COL21A1: variants seen among roughly 807,000 people sequenced by gnomAD.
The protein encoded by COL21A1 is collagen type XXI alpha 1 chain, also known as collagen alpha-1(XXI) chain.
COL21A1 carries 149 observed loss-of-function variants against 137.9 expected under a neutral mutation model. The ratio of observed to expected loss-of-function variants is 1.08; its 90% CI spans 0.95 to 1.24. COL21A1 has a LOEUF of 1.24. COL21A1 is among the 50% of genes most tolerant of loss of function. The pLI, the probability that COL21A1 is intolerant of heterozygous loss-of-function variation, is 0.00. For missense variants in COL21A1, 1,167 were observed against 1,158.4 expected, an observed-to-expected ratio of 1.01 and a Z score of -0.11; for synonymous variants, 456 against 391.5, an observed-to-expected ratio of 1.16 and a Z score of -1.95.
At chr6:56,361,845 G>A (rs1765978365) in intron 1 of COL21A1, among the ~76,000 whole-genome samples, 1 of 152,086 alleles carries the variant, frequency 6.6e-6, no homozygotes, top group African/African-American at 2.4e-5. Context: ...TCTTTAAGTA[G>A]CATTTCTACT....
At chr6:56,145,105 C>T (rs1430916674) in intron 10 of COL21A1, among the ~76,000 whole-genome samples, 1 of 152,152 alleles carries the variant, frequency 6.6e-6, no homozygotes. Flanking sequence ...ACCATTAGTA[C>T]ATTGGGAATG....
intron 1 of COL21A1, among the ~76,000 whole-genome samples, chr6:56,268,033 AG>A (rs1562032201): frequency 2.0e-5 from 3 of 152,172 alleles, no homozygotes; most frequent in Non-Finnish European, 4.4e-5. Context: ...CTAGATCCCA[AG>A]GGTCTGGAAG....
At chr6:56,258,439 A>C (rs542334778) in intron 1 of COL21A1, among the ~76,000 whole-genome samples, 2 of 152,202 alleles carry the variant, frequency 1.3e-5, no homozygotes, top group African/African-American at 4.8e-5. Context: ...CCAACGGAGG[A>C]CCTCAAATGC....
At chr6:56,240,411 G>A (rs1392592688) in intron 1 of COL21A1, among the ~76,000 whole-genome samples, 1 of 152,144 alleles carries the variant, frequency 6.6e-6, no homozygotes, top group Non-Finnish European at 1.5e-5. Flanking sequence ...CCAGCCTCCA[G>A]AACTGTGAGG....
At chr6:56,349,284 T>G (rs1006332851) in intron 1 of COL21A1, among the ~76,000 whole-genome samples, 1 of 152,058 alleles carries the variant, frequency 6.6e-6, no homozygotes, top group African/African-American at 2.4e-5. Context: ...GAAACCACAT[T>G]TCTTTTAATT....
intron 17 of COL21A1, among the ~76,000 whole-genome samples, chr6:56,094,412 A>G (rs1467105086): frequency 6.6e-6 from 1 of 151,840 alleles, no homozygotes; most frequent in Non-Finnish European, 1.5e-5. Context: ...TTCTAAGATG[A>G]GAAAGGCTTT....
intron 1 of COL21A1, among the ~76,000 whole-genome samples, chr6:56,230,341 G>T (rs1416629823): frequency 1.3e-5 from 2 of 151,792 alleles, no homozygotes; most frequent in African/African-American, 4.8e-5. Flanking sequence ...AATCAGTCAA[G>T]AAATATCATA....
At chr6:56,144,692 A>G (rs1247977873) in intron 10 of COL21A1, among the ~76,000 whole-genome samples, 1 of 152,184 alleles carries the variant, frequency 6.6e-6, no homozygotes, top group Non-Finnish European at 1.5e-5. Context: ...AGATTAAAAC[A>G]ACTTGGAGAT....
intron 1 of COL21A1, among the ~76,000 whole-genome samples, chr6:56,191,741 A>G (rs557309956): frequency 5.3e-5 from 8 of 152,296 alleles, no homozygotes; most frequent in African/African-American, 1.9e-4. Flanking sequence ...GAAATAAGAG[A>G]GGACACAAAC....
chr6:56,187,172 A>G (rs1181542571), intron 1 of COL21A1, among the ~76,000 whole-genome samples: 7 of 152,158 alleles, frequency 4.6e-5, no homozygotes, highest in East Asian at 1.9e-4. Flanking sequence ...CAGAGTCTCA[A>G]TGTGGTGCAG....
At chr6:56,077,989 ATTAAT>A in intron 17 of COL21A1, 4 of 435,722 alleles carry the variant, frequency 9.2e-6, no homozygotes, top group Non-Finnish European at 1.8e-5. Context: ...TTAGTTAAAA[ATTAAT>A]TTAATTAAAT....
At chr6:56,137,701 T>C (rs1234918195) in intron 12 of COL21A1, among the ~76,000 whole-genome samples, 2 of 152,048 alleles carry the variant, frequency 1.3e-5, no homozygotes, top group Non-Finnish European at 2.9e-5. Flanking sequence ...AAAAATTCAA[T>C]AAAAGTTTTA....
chr6:56,353,757 CA>C (rs2152347267), intron 1 of COL21A1, among the ~76,000 whole-genome samples: 1 of 151,898 alleles, frequency 6.6e-6, no homozygotes, highest in East Asian at 1.9e-4. Flanking sequence ...AGACAAAGAC[CA>C]AAATCATCAG....
chr6:56,349,426 G>T (rs1212286146), intron 1 of COL21A1, among the ~76,000 whole-genome samples: 1 of 151,936 alleles, frequency 6.6e-6, no homozygotes, highest in Non-Finnish European at 1.5e-5. Flanking sequence ...AGCAAACTCA[G>T]AGTGCAAAGC....
At chr6:56,348,692 G>C (rs1270263903) in intron 1 of COL21A1, among the ~76,000 whole-genome samples, 1 of 152,170 alleles carries the variant, frequency 6.6e-6, no homozygotes, top group Non-Finnish European at 1.5e-5. Context: ...GGAGGAAGGG[G>C]AAGCAAATTT....
At chr6:56,320,944 T>C (rs904194034) in intron 1 of COL21A1, among the ~76,000 whole-genome samples, 3 of 152,180 alleles carry the variant, frequency 2.0e-5, no homozygotes, top group Admixed American at 2.0e-4. Flanking sequence ...ACTTACTACT[T>C]TATTTTAAAT....
chr6:56,258,761 G>A (rs1410152962), intron 1 of COL21A1, among the ~76,000 whole-genome samples: 1 of 152,056 alleles, frequency 6.6e-6, no homozygotes, highest in Non-Finnish European at 1.5e-5. Context: ...AAGAAGCTTT[G>A]GAATCTTCAT....
intron 1 of COL21A1, among the ~76,000 whole-genome samples, chr6:56,320,413 G>T (rs576844032): frequency 6.6e-6 from 1 of 151,926 alleles, no homozygotes; most frequent in African/African-American, 2.4e-5. Context: ...GTATTTTAAA[G>T]TAAGACCAGG....
intron 1 of COL21A1, among the ~76,000 whole-genome samples, chr6:56,384,363 T>C (rs1278754191): frequency 2.0e-5 from 3 of 151,920 alleles, no homozygotes; most frequent in African/African-American, 4.8e-5. Context: ...TTCAAATACT[T>C]ACATGTCTTT....
Sources: gnomAD v4.1 joint callset for allele counts (sites outside exome capture counted in the v4.1 genomes callset) on GRCh38, gnomAD v4.1.1 for gene constraint, MANE v1.5 for transcripts, NCBI Gene and HGNC (gene_info 2026-07-23, HGNC 2026-07-21) for gene names.